SCNN1B: variants seen among roughly 807,000 people sequenced by gnomAD.
The protein encoded by SCNN1B is sodium channel epithelial 1 subunit beta.
SCNN1B carries 46 observed loss-of-function variants against 65.3 expected under a neutral mutation model. That is an observed-to-expected ratio of 0.70 (90% confidence interval 0.56 to 0.90). The LOEUF (loss-of-function observed/expected upper bound fraction) is 0.90, where lower values mean the gene tolerates loss of function less well. SCNN1B is among the 40% of genes least tolerant of loss of function. The pLI, the probability that SCNN1B is intolerant of heterozygous loss-of-function variation, is 0.00. For synonymous variants in SCNN1B, 349 were observed against 330.6 expected (o/e 1.06, Z -0.60); for missense variants, 751 against 830.5 (o/e 0.90, Z 1.18).
chr16:23,307,085 T>C (rs552666308), intron 1 of SCNN1B, among the ~76,000 whole-genome samples: 1 of 152,248 alleles, frequency 6.6e-6, no homozygotes, highest in African/African-American at 2.4e-5. Context: ...CAGCTGGAGT[T>C]GGACACCAAA....
intron 2 of SCNN1B, among the ~76,000 whole-genome samples, chr16:23,349,480 A>T (rs1962262884): frequency 6.6e-6 from 1 of 152,182 alleles, no homozygotes; most frequent in African/African-American, 2.4e-5. Context: ...AGAAAAAATA[A>T]TTAATTAAAA....
chr16:23,343,151 TCTCGTAAGAGAA>T (rs1693560586), intron 1 of SCNN1B, among the ~76,000 whole-genome samples: 1 of 152,056 alleles, frequency 6.6e-6, no homozygotes, highest in South Asian at 2.1e-4. Flanking sequence ...AGAAAACCTG[TCTCGTAAGAGAA>T]CTGAAACAGG....
intron 1 of SCNN1B, among the ~76,000 whole-genome samples, chr16:23,319,045 G>GTT (rs35383135): frequency 4.2e-5 from 6 of 142,710 alleles, no homozygotes; most frequent in Non-Finnish European, 4.6e-5. Flanking sequence ...TGTTTGTTTT[G>GTT]TTTTTTTTTT....
intron 7 of SCNN1B, among the ~76,000 whole-genome samples, chr16:23,372,870 C>T (rs1289277059): frequency 6.7e-6 from 1 of 148,894 alleles, no homozygotes; most frequent in Non-Finnish European, 1.5e-5. Flanking sequence ...GAGTGCGAAG[C>T]GGGTACATCA....
chr16:23,380,328 C>G lies in SCNN1B; in HGVS notation c.1543-93C>G, dbSNP rs775021633. ...GCCAAGATGGTCACCCCCTCCCGTT[C>G]CCACCCAAGAATCACCTCCCAGGAA... On this transcript the variant is annotated intron_variant, in intron 12 of 12. Coordinates refer to ENST00000343070, the MANE Select transcript of SCNN1B (RefSeq NM_000336.3). This position sits in a 1 kb window ranked among gnomAD's most constrained non-coding sequence, Gnocchi z 5.4. 6.3e-6 allele frequency: 10 copies of G among 1,595,864 alleles called. No homozygotes were observed. Among genetic ancestry groups the G allele is most frequent in the Admixed American group, 3.3e-5 (2 of 59,722 alleles).
intron 1 of SCNN1B, among the ~76,000 whole-genome samples, chr16:23,308,206 A>G (rs1961261712): frequency 6.6e-6 from 1 of 152,014 alleles, no homozygotes; most frequent in South Asian, 2.1e-4. Context: ...TCTGTCTCTA[A>G]AAAAGTAACA....
intron 2 of SCNN1B, among the ~76,000 whole-genome samples, chr16:23,295,474 C>G (rs988858355): frequency 6.6e-6 from 1 of 152,072 alleles, no homozygotes; most frequent in Non-Finnish European, 1.5e-5. Context: ...ATCAGCCTCC[C>G]AAGTAGCTGG....
In SCNN1B at chr16:23,371,852, A is replaced by C; in HGVS notation, c.1121A>C (p.Tyr374Ser). 1 of 1,613,992 alleles carries C rather than the reference A, an allele frequency of 6.2e-7. No homozygotes were observed. The highest frequency in any genetic ancestry group is 8.5e-7 in the Non-Finnish European group (1 of 1,179,826). Residue 374 changes from tyrosine (Y) to serine (S), a missense_variant, in exon 7 of 13, where the codon TAC (tyrosine) becomes TCC (serine). Physicochemically the swap from Tyr to Ser is moderately radical, Grantham distance 144. Coordinates refer to ENST00000343070, the MANE Select transcript of SCNN1B (RefSeq NM_000336.3). The part of the protein sequence containing the change: ...NGSEVPVQNF[Y>S]SDYNTTYSIQ... ...TCTGAGGTCCCCGTCCAAAACTTCTACAGTGACTACAACACGACCTACTCC... is the reference window on the plus strand; with the variant it reads ...TCTGAGGTCCCCGTCCAAAACTTCTCCAGTGACTACAACACGACCTACTCC...
At chr16:23,341,566 G>A (rs1307110641) in intron 1 of SCNN1B, among the ~76,000 whole-genome samples, 1 of 151,940 alleles carries the variant, frequency 6.6e-6, no homozygotes, top group East Asian at 1.9e-4. Flanking sequence ...GTCTGTTAAG[G>A]GACTTGTGTA....
chr16:23,362,542 C>T (rs1276791704), intron 4 of SCNN1B, among the ~76,000 whole-genome samples: 1 of 152,158 alleles, frequency 6.6e-6, no homozygotes, highest in Admixed American at 6.5e-5. Flanking sequence ...TCTGGAGGCT[C>T]ACTGGTCTCT....
intron 5 of SCNN1B, among the ~76,000 whole-genome samples, chr16:23,369,344 A>G (rs546056153): frequency 8.5e-5 from 13 of 152,262 alleles, no homozygotes; most frequent in South Asian, 6.2e-4. Context: ...TTGGCCTCTC[A>G]AAGTACTGGG....
At chr16:23,321,302 G>A (rs995133726) in intron 1 of SCNN1B, among the ~76,000 whole-genome samples, 2 of 152,152 alleles carry the variant, frequency 1.3e-5, no homozygotes, top group African/African-American at 2.4e-5. Flanking sequence ...TCAGCCTCCC[G>A]AAGTGCTGTG....
chr16:23,365,582 A>G (rs1443303691), intron 4 of SCNN1B, among the ~76,000 whole-genome samples: 6 of 79,004 alleles, frequency 7.6e-5, no homozygotes, highest in Admixed American at 1.2e-4. Context: ...AAAGAAAGAA[A>G]GAAAGAGAAA....
Position 23,355,435 on chromosome 16 carries a change from C to T in SCNN1B, c.722C>T (p.Pro241Leu), listed in dbSNP as rs566725704. 1 of 1,614,176 alleles carries T rather than the reference C, an allele frequency of 6.2e-7. No individual in the cohort carries two copies. Among genetic ancestry groups the T allele is most frequent in the South Asian group, 1.1e-5 (1 of 91,062 alleles). ...CAGGAGCTAGTAGAGATGAGCTACC[C>T]CGGCGAGCAGATGATCCTGGCCTGC... is the stretch of plus-strand genomic sequence containing the variant. Reference protein sequence around the residue: ...PQQELVEMSYPGEQMILACLF... With the variant: ...PQQELVEMSYLGEQMILACLF... The change falls in exon 4 of 13, where the codon CCC becomes CTC. Residue 241 changes from proline to leucine, a missense_variant. Physicochemically the swap from Pro to Leu is moderately conservative, Grantham distance 98. Coordinates refer to ENST00000343070, the MANE Select transcript of SCNN1B (RefSeq NM_000336.3).
chr16:23,369,311 T>C (rs758392758), intron 5 of SCNN1B, among the ~76,000 whole-genome samples: 63 of 152,294 alleles, frequency 4.1e-4, no homozygotes, highest in Non-Finnish European at 7.8e-4. Flanking sequence ...CTTGACCTCC[T>C]GGGCTCAAGC....
intron 4 of SCNN1B, 100 bp from the exon 5 acceptor site, chr16:23,367,756 G>T: frequency 1.1e-6 from 1 of 936,550 alleles, no homozygotes; most frequent in Non-Finnish European, 1.8e-6. Flanking sequence ...TCTCCCTTTC[G>T]GAGCCCCTCC....
intron 1 of SCNN1B, among the ~76,000 whole-genome samples, chr16:23,338,178 G>A (rs1462187998): frequency 6.6e-6 from 1 of 152,136 alleles, no homozygotes; most frequent in Non-Finnish European, 1.5e-5. Context: ...AGTCAAAAAT[G>A]GTATTTAGAG....
chr16:23,332,288 C>T (rs536482728), intron 1 of SCNN1B, among the ~76,000 whole-genome samples: 1 of 151,818 alleles, frequency 6.6e-6, no homozygotes, highest in African/African-American at 2.4e-5. Flanking sequence ...CTCTGCCTCC[C>T]GAGTTCAAGC....
upstream of SCNN1B, among the ~76,000 whole-genome samples, chr16:23,300,952 TATC>T (rs1282117123): frequency 6.6e-6 from 1 of 152,076 alleles, no homozygotes; most frequent in Non-Finnish European, 1.5e-5. Flanking sequence ...ATATGGAAAG[TATC>T]ATTATATAAA....
Sources: gnomAD v4.1 joint callset for allele counts (sites outside exome capture counted in the v4.1 genomes callset) on GRCh38, gnomAD v4.1.1 for gene constraint, Gnocchi (gnomAD v3.1) non-coding constraint, MANE v1.5 for transcripts, NCBI Gene and HGNC (gene_info 2026-07-23, HGNC 2026-07-21) for gene names.